The following NAV1 variants were observed in gnomAD, a reference collection of about 807,000 sequenced individuals.
NAV1 encodes the protein neuron navigator 1, also known as pore membrane and/or filament interacting like protein 3.
NAV1 carries 18 observed loss-of-function variants against 175.2 expected under a neutral mutation model. That is an observed-to-expected ratio of 0.10 (90% CI 0.07 to 0.15). The LOEUF is 0.15. Among genes scored for constraint, NAV1 ranks in the 10% least tolerant of loss-of-function variants. The probability of loss-of-function intolerance (pLI) is 1.00; values close to 1 mark genes in which losing one functional copy is unlikely to be tolerated. For missense variants in NAV1, 1,731 were observed against 2,436.6 expected, an observed-to-expected ratio of 0.71 and a Z score of 6.10; for synonymous variants, 897 against 978.7, an observed-to-expected ratio of 0.92 and a Z score of 1.56.
chr1:201,746,441 T>C (rs753501203), intron 3 of NAV1, among the ~76,000 whole-genome samples: 6 of 152,220 alleles, frequency 3.9e-5, no homozygotes, highest in Non-Finnish European at 7.3e-5. Flanking sequence ...CACCAGCAAG[T>C]ATTTATTCAT....
intron 22 of NAV1, 100 bp from the exon 27 acceptor site, chr1:201,809,846 T>G: frequency 8.5e-7 from 1 of 1,178,310 alleles, no homozygotes; most frequent in Admixed American, 2.1e-5. Context: ...CTCTGCACTT[T>G]CTCCATCTAT....
chr1:201,709,343 G>A (rs960769887), intron 1 of NAV1, among the ~76,000 whole-genome samples: 1 of 152,110 alleles, frequency 6.6e-6, no homozygotes, highest in African/African-American at 2.4e-5. Context: ...GTTGAGAGGT[G>A]AAGTAAATTC....
chr1:201,680,214 C>T (rs1670406818), intron 1 of NAV1, among the ~76,000 whole-genome samples: 1 of 152,112 alleles, frequency 6.6e-6, no homozygotes, highest in Non-Finnish European at 1.5e-5. Context: ...TTCCAGTCTC[C>T]TTTAAAGAAC....
At chr1:201,752,126 T>TCAGAGCCC (rs1674149971) in intron 3 of NAV1, among the ~76,000 whole-genome samples, 1 of 152,154 alleles carries the variant, frequency 6.6e-6, no homozygotes, top group Non-Finnish European at 1.5e-5. Context: ...ACAAAGATAT[T>TCAGAGCCC]TCACCAAGAG....
At chr1:201,745,920 C>T (rs1260897093) in intron 3 of NAV1, among the ~76,000 whole-genome samples, 1 of 152,128 alleles carries the variant, frequency 6.6e-6, no homozygotes, top group Non-Finnish European at 1.5e-5. Flanking sequence ...GCCACCTCTG[C>T]CTCCCAGCCT....
chr1:201,673,143 G>A (rs1043588958), intron 1 of NAV1: 1 of 152,244 alleles, frequency 6.6e-6, no homozygotes, highest in African/African-American at 2.4e-5. Context: ...TAGGCTCTGT[G>A]AGAATGCAAT....
intron 2 of NAV1, among the ~76,000 whole-genome samples, chr1:201,617,873 A>G (rs1428920691): frequency 6.6e-6 from 1 of 152,234 alleles, no homozygotes; most frequent in Admixed American, 6.5e-5. Flanking sequence ...CTGCTCAGAC[A>G]GAATATGAGG....
chr1:201,581,571 A>C (rs900626986), intron 1 of NAV1, among the ~76,000 whole-genome samples: 4 of 152,102 alleles, frequency 2.6e-5, no homozygotes, highest in African/African-American at 9.7e-5. Context: ...GCTCATGCCT[A>C]TAATCCCAGC....
At chr1:201,646,659 G>A (rs1264075277), upstream of NAV1, among the ~76,000 whole-genome samples, 2 of 151,990 alleles carry the variant, frequency 1.3e-5, no homozygotes, top group South Asian at 2.1e-4. Flanking sequence ...TCCCTGTCAC[G>A]GCAGATTTTA....
At chr1:201,795,195 T>C (rs1677363293) in intron 15 of NAV1, 1 of 152,504 alleles carries the variant, frequency 6.6e-6, no homozygotes, top group Admixed American at 6.5e-5. Context: ...CTTTCATTGC[T>C]TTTTTCAAGC....
chr1:201,617,329 CT>C (rs112854855), intron 2 of NAV1, among the ~76,000 whole-genome samples: 1 of 152,090 alleles, frequency 6.6e-6, no homozygotes, highest in African/African-American at 2.4e-5. Flanking sequence ...AGCTCTACCC[CT>C]AAACTTCTGC....
At chr1:201,820,071 G>C in exon 30 of NAV1, 1 of 786,996 alleles carries the variant, frequency 1.3e-6, no homozygotes, top group South Asian at 1.7e-5. Flanking sequence ...AGATGAAAGA[G>C]GAGGGACAGG....
chr1:201,611,678 A>G (rs12067891), intron 2 of NAV1, among the ~76,000 whole-genome samples: 3,697 of 152,272 alleles, frequency 0.024, 161 homozygotes, highest in African/African-American at 0.084. Flanking sequence ...AGGTCTGTAA[A>G]CCACAAATAT....
chr1:201,762,597 C>T (rs896534180), intron 3 of NAV1, among the ~76,000 whole-genome samples: 1 of 152,224 alleles, frequency 6.6e-6, no homozygotes, highest in South Asian at 2.1e-4. Context: ...CTATCTATGG[C>T]TGCTTTTGTG....
At position 201,817,232 on chromosome 1, in the gene NAV1, G is replaced by C. The variant is rs762666508; in HGVS notation, c.5485G>C (p.Glu1829Gln). Residue 1829 changes from glutamate (E) to glutamine (Q), a missense_variant, in exon 29 of 30, where the codon GAG becomes CAG. This residue lies in a region of NAV1 where 49 missense variants were observed against 67.2 expected (regional missense o/e 0.73). Coordinates refer to ENST00000367296, the Ensembl canonical transcript of NAV1. The stretch of plus-strand genomic sequence containing the variant: ...CCCTCACAGCATTGCCTCACCTCCC[G>C]AGGATAGGACAGTCAAAGACAGCAC... 1.9e-6 allele frequency: 3 copies of C among 1,614,074 alleles called. No individual in the cohort carries two copies. The Admixed American group carries it at 5.0e-5, about 27-fold the overall frequency.
rs202242130 is a variant in NAV1 at position 201,763,525 on chromosome 1, T to TG, written c.1227-16892dup. Among the ~76,000 whole-genome samples, 1,273 of 152,260 alleles carry TG rather than the reference T, an allele frequency of 8.4e-3. 17 individuals carry two copies. Among genetic ancestry groups the TG allele is most frequent in the African/African-American group, 0.029 (1,212 of 41,538 alleles). On this transcript the variant is annotated intron_variant, in intron 3 of 29. Coordinates refer to ENST00000367296, the Ensembl canonical transcript of NAV1. ...AAAGAAGTACAGGAGGGGAAAGACT[T>TG]GGGGCAGACAAAAAGGGAAATCTCT...
At chr1:201,582,455 G>A (rs1666896774) in intron 1 of NAV1, among the ~76,000 whole-genome samples, 1 of 152,164 alleles carries the variant, frequency 6.6e-6, no homozygotes, top group Non-Finnish European at 1.5e-5. Flanking sequence ...GAGGTAGAGG[G>A]GAAGAGAGAG....
At chr1:201,657,805 G>T (rs1180634161) in intron 1 of NAV1, among the ~76,000 whole-genome samples, 1 of 152,190 alleles carries the variant, frequency 6.6e-6, no homozygotes, top group East Asian at 1.9e-4. Flanking sequence ...GCCGAGGCAG[G>T]TGGATCACTT....
chr1:201,659,811 G>A (rs1311079307), intron 1 of NAV1, among the ~76,000 whole-genome samples: 2 of 152,182 alleles, frequency 1.3e-5, no homozygotes, highest in African/African-American at 4.8e-5. Context: ...TGGGGTAGGA[G>A]AGCCTGTGGG....
Sources: gnomAD v4.1 joint callset for allele counts (sites outside exome capture counted in the v4.1 genomes callset) on GRCh38, gnomAD v4.1.1 for gene constraint, gnomAD v4.1.1 regional missense constraint, MANE v1.5 for transcripts, NCBI Gene and HGNC (gene_info 2026-07-23, HGNC 2026-07-21) for gene names.